Variants in LINGO2 observed in about 807,000 individuals in gnomAD.
LINGO2 encodes leucine rich repeat and Ig domain containing 2.
A neutral mutation model predicts 30.6 loss-of-function variants in LINGO2; 14 were observed. That is an observed-to-expected ratio of 0.46 (90% CI 0.30 to 0.72). The LOEUF (loss-of-function observed/expected upper bound fraction) is 0.72. Among genes scored for constraint, LINGO2 ranks in the 30% least tolerant of loss-of-function variants. The pLI is 0.07. For synonymous variants in LINGO2, 317 were observed against 288.5 expected (o/e 1.10, Z -1.00); for missense variants, 729 against 751.7 (o/e 0.97, Z 0.35).
At chr9:28,697,285 T>A in the LINGO2 span, among the ~76,000 whole-genome samples, 1 of 151,954 alleles carries the variant, frequency 6.6e-6, no homozygotes, top group Non-Finnish European at 1.5e-5. Flanking sequence ...TCCTATTTAT[T>A]CACTTTGTCA....
In LINGO2 at chr9:28,572,695, T is replaced by C. The variant is rs113005027; in HGVS notation, c.-364-96670A>G. On this transcript the variant is annotated intron_variant, in intron 1 of 5. Transcript: ENST00000379992. ...AAAATGTCCCGTGATTCATTCATCC[T>C]TTTATGTGAAGGGGTCTGACAGTGA... is the stretch of plus-strand genomic sequence containing the variant. 1.5e-3 allele frequency among the ~76,000 whole-genome samples: 223 copies of C among 152,224 alleles called. 1 individual carries two copies. The highest frequency in any genetic ancestry group is 3.4e-3 in the Middle Eastern group (1 of 294).
At chr9:28,571,189 A>G (rs996365885) in intron 1 of LINGO2, among the ~76,000 whole-genome samples, 20 of 151,938 alleles carry the variant, frequency 1.3e-4, no homozygotes, top group African/African-American at 4.6e-4. Context: ...GACTTGGAAT[A>G]TTTTCTTCTT....
At chr9:28,886,926 T>C in the LINGO2 span, among the ~76,000 whole-genome samples, 4 of 152,122 alleles carry the variant, frequency 2.6e-5, no homozygotes, top group South Asian at 8.3e-4. Flanking sequence ...CAAGTTAATA[T>C]TAGAGATGCA....
At chr9:29,141,955 A>G in the LINGO2 span, among the ~76,000 whole-genome samples, 3 of 151,922 alleles carry the variant, frequency 2.0e-5, no homozygotes, top group Non-Finnish European at 4.4e-5. Context: ...ACAAATAATA[A>G]TAGTATATTT....
chr9:27,965,921 T>C lies in LINGO2; in HGVS notation c.-35-15215A>G, dbSNP rs76348708. 9.3e-3 allele frequency among the ~76,000 whole-genome samples: 1,417 copies of C among 152,210 alleles called. 116 individuals carry two copies. In the East Asian group the frequency reaches 0.19, roughly 20 times the overall value. On this transcript the variant is annotated intron_variant, in intron 5 of 5. Coordinates refer to ENST00000379992, the Ensembl canonical transcript of LINGO2. ...GTATAAGGTAATGGCTAAAAGCACATATGCGCAACCGTCAAACTGTGTTTA... is the reference window on the plus strand; with the variant it reads ...GTATAAGGTAATGGCTAAAAGCACACATGCGCAACCGTCAAACTGTGTTTA...
the LINGO2 span, among the ~76,000 whole-genome samples, chr9:28,942,349 G>T: frequency 6.6e-6 from 1 of 152,168 alleles, no homozygotes; most frequent in Non-Finnish European, 1.5e-5. Flanking sequence ...AGAAGCAAGT[G>T]CTCAGAAGTG....
the LINGO2 span, among the ~76,000 whole-genome samples, chr9:29,136,409 T>A: frequency 1.3e-5 from 2 of 152,172 alleles, no homozygotes; most frequent in Admixed American, 1.3e-4. Context: ...TACCTCTTGA[T>A]CTCCCATGCA....
chr9:28,430,683 T>C (rs943265349), intron 2 of LINGO2, among the ~76,000 whole-genome samples: 1 of 152,204 alleles, frequency 6.6e-6, no homozygotes, highest in Non-Finnish European at 1.5e-5. Flanking sequence ...TATTACATAT[T>C]AGTTATGCCT....
intron 2 of LINGO2, among the ~76,000 whole-genome samples, chr9:28,420,428 T>C (rs1460449356): frequency 6.6e-6 from 1 of 152,104 alleles, no homozygotes; most frequent in Admixed American, 6.6e-5. Flanking sequence ...ACTTGCTTCA[T>C]CTATGGTTAT....
chr9:28,347,653 G>GT (rs1258532061), intron 3 of LINGO2, among the ~76,000 whole-genome samples: 2 of 152,158 alleles, frequency 1.3e-5, no homozygotes, highest in Admixed American at 1.3e-4. Context: ...AATAAGCTAA[G>GT]TTGCTCAATT....
chr9:28,544,381 C>G (rs1233677764), intron 1 of LINGO2, among the ~76,000 whole-genome samples: 1 of 152,060 alleles, frequency 6.6e-6, no homozygotes, highest in Non-Finnish European at 1.5e-5. Flanking sequence ...GCTCTCTTGA[C>G]TTTCACTTAG....
the LINGO2 span, among the ~76,000 whole-genome samples, chr9:28,923,772 G>A: frequency 2.6e-5 from 4 of 152,132 alleles, no homozygotes; most frequent in African/African-American, 9.7e-5. Context: ...ACTTCTGGGT[G>A]GAACCAAAGA....
chr9:28,511,987 T>C (rs571332106), intron 1 of LINGO2, among the ~76,000 whole-genome samples: 16 of 152,178 alleles, frequency 1.1e-4, no homozygotes, highest in African/African-American at 3.4e-4. Context: ...CAACTGATCA[T>C]AGAGAACTCC....
chr9:28,054,247 TTC>T (rs1203905516), intron 4 of LINGO2, among the ~76,000 whole-genome samples: 2 of 152,092 alleles, frequency 1.3e-5, no homozygotes, highest in African/African-American at 4.8e-5. Context: ...CTGGGAGCCC[TTC>T]TCTCACCTTT....
intron 4 of LINGO2, among the ~76,000 whole-genome samples, chr9:28,249,505 T>C (rs10116239): frequency 0.032 from 4,908 of 152,202 alleles, 264 homozygotes; most frequent in African/African-American, 0.11. Flanking sequence ...CATTGTACAA[T>C]CATGCACTTT....
intron 4 of LINGO2, among the ~76,000 whole-genome samples, chr9:28,132,883 C>T (rs2133451431): frequency 6.6e-6 from 1 of 152,354 alleles, no homozygotes; most frequent in East Asian, 1.9e-4. Context: ...ACAGCAGTCA[C>T]TGTGTCCTAA....
At chr9:28,958,608 G>A in the LINGO2 span, among the ~76,000 whole-genome samples, 209 of 152,042 alleles carry the variant, frequency 1.4e-3, 2 homozygotes, top group African/African-American at 4.5e-3. Context: ...CTCCTTTACC[G>A]TACAATGAGC....
chr9:28,477,233 G>A (rs555496656), intron 1 of LINGO2, among the ~76,000 whole-genome samples: 122 of 152,086 alleles, frequency 8.0e-4, no homozygotes, highest in African/African-American at 2.8e-3. Context: ...CAATAATTAC[G>A]TATTGTTTAC....
intron 5 of LINGO2, among the ~76,000 whole-genome samples, chr9:27,966,585 C>G (rs10968233): frequency 1.3e-5 from 2 of 151,838 alleles, no homozygotes; most frequent in Non-Finnish European, 2.9e-5. Context: ...TGTGAGGAAG[C>G]GGGAAGGAGA....
Sources: allele counts gnomAD v4.1 joint callset (sites outside exome capture counted in the v4.1 genomes callset), GRCh38; gene constraint gnomAD v4.1.1; transcripts MANE v1.5; gene names NCBI Gene and HGNC (gene_info 2026-07-23, HGNC 2026-07-21).